The following PCLO variants were observed in gnomAD, a reference collection of about 807,000 sequenced individuals.
PCLO encodes the protein protein piccolo.
In PCLO, 82 loss-of-function variants were observed where a neutral mutation model predicts 427.5. The ratio of observed to expected loss-of-function variants is 0.19; its 90% CI spans 0.16 to 0.23. The LOEUF (loss-of-function observed/expected upper bound fraction) is 0.23. Ranked by LOEUF, PCLO falls within the 10% of genes least tolerant of loss-of-function variation. The pLI is 1.00. For synonymous variants in PCLO, 2,357 were observed against 2,155.4 expected, an observed-to-expected ratio of 1.09 and a Z score of -2.59; for missense variants, 6,239 against 6,115.9, an observed-to-expected ratio of 1.02 and a Z score of -0.67.
At chr7:82,924,280 G>A (rs1447124070) in intron 6 of PCLO, among the ~76,000 whole-genome samples, 1 of 152,024 alleles carries the variant, frequency 6.6e-6, no homozygotes, top group African/African-American at 2.4e-5. Context: ...GGATAGGAAT[G>A]TACCTGATTA....
intron 3 of PCLO, among the ~76,000 whole-genome samples, chr7:83,029,519 TA>T (rs1487584124): frequency 2.6e-5 from 3 of 113,852 alleles, no homozygotes; most frequent in Non-Finnish European, 5.3e-5. Context: ...GGTGGGACTG[TA>T]AACTAGTTCA....
intron 3 of PCLO, among the ~76,000 whole-genome samples, chr7:83,054,455 T>C (rs759582925): frequency 6.6e-6 from 1 of 152,106 alleles, no homozygotes; most frequent in Admixed American, 6.6e-5. Flanking sequence ...GATTATAGCA[T>C]TGTTTGAATA....
intron 2 of PCLO, among the ~76,000 whole-genome samples, chr7:83,137,503 T>C (rs546616036): frequency 6.6e-6 from 1 of 152,316 alleles, no homozygotes; most frequent in East Asian, 1.9e-4. Flanking sequence ...CGATCTCGGC[T>C]CACTGCAAGC....
chr7:83,112,477 A>G (rs957840515), intron 3 of PCLO, among the ~76,000 whole-genome samples: 1 of 152,206 alleles, frequency 6.6e-6, no homozygotes, highest in African/African-American at 2.4e-5. Flanking sequence ...TTAGATATAC[A>G]AAAGAATGAA....
intron 24 of PCLO, among the ~76,000 whole-genome samples, chr7:82,759,865 T>G (rs902856161): frequency 4.6e-5 from 7 of 151,968 alleles, no homozygotes; most frequent in African/African-American, 1.7e-4. Context: ...GAGAAACTGA[T>G]AGCATAGAAG....
rs190740585 is a variant in PCLO, at chr7:83,158,514, A to G, written c.249-2122T>C. Among the ~76,000 whole-genome samples the G allele has an allele frequency of 5.6e-3, 793 of 142,712 alleles. 10 individuals carry two copies. The highest frequency in any genetic ancestry group is 0.019 in the African/African-American group (763 of 39,188). 93.6% of individuals were successfully genotyped at this position (142,712 alleles called of 152,430 possible). On this transcript the variant is annotated intron_variant, in intron 1 of 24. Coordinates refer to ENST00000333891, the MANE Select transcript of PCLO (RefSeq NM_033026.6). ...GAGTCCTATAAATCTAACTTTAAGC[A>G]GAGTACCAAAAAAAAAATCTACCTT...
intron 3 of PCLO, among the ~76,000 whole-genome samples, chr7:82,986,561 T>G (rs1276724601): frequency 6.6e-6 from 1 of 151,900 alleles, no homozygotes; most frequent in East Asian, 1.9e-4. Flanking sequence ...GTTTTTCACT[T>G]TGTATTATTA....
intron 3 of PCLO, among the ~76,000 whole-genome samples, chr7:83,065,474 T>C (rs1042018220): frequency 6.7e-6 from 1 of 149,264 alleles, no homozygotes; most frequent in African/African-American, 2.5e-5. Flanking sequence ...AAGAGAACAC[T>C]TTCCAAAAAT....
At chr7:82,824,075 C>T (rs1448750009) in intron 19 of PCLO, among the ~76,000 whole-genome samples, 161 bp downstream of exon 19, 1 of 151,992 alleles carries the variant, frequency 6.6e-6, no homozygotes, top group Non-Finnish European at 1.5e-5. Flanking sequence ...AGAATAAAGC[C>T]CATTTCTCCT....
In PCLO at chr7:83,029,262, G is replaced by GAA. The variant is rs201134210; in HGVS notation, c.3301-62777_3301-62776dup. ...ACAATGAACTCAAACAAATTTACAA[G>GAA]AAAAAAAAAAAAACAACCCCATCAA... On this transcript the variant is annotated intron_variant, in intron 3 of 24. Coordinates refer to ENST00000333891, the MANE Select transcript of PCLO (RefSeq NM_033026.6). Among the ~76,000 whole-genome samples, 122 of 126,920 alleles carry GAA rather than the reference G, an allele frequency of 9.6e-4. No individual in the cohort carries two copies. In the East Asian group the frequency reaches 0.014, roughly 15 times the overall value. 83.3% of individuals were successfully genotyped at this position (126,920 alleles called of 152,430 possible).
rs1790365547 is a variant in PCLO, at chr7:82,758,582, G to A, written c.15422C>T (p.Thr5141Met). 12 of 1,608,280 alleles carry A rather than the reference G, an allele frequency of 7.5e-6. No homozygotes were observed. The highest frequency in any genetic ancestry group is 1.7e-4 in the Middle Eastern group (1 of 6,024). The stretch of plus-strand genomic sequence containing the variant: ...CTGAGAAGACATGTTTCTTCAATGC[G>A]TTTGAGTAGGACTGACCAAAAGTTT... ...WHKLLVSPTQ[T>M]H Residue 5141 changes from threonine to methionine, a missense_variant, in exon 25 of 25, where the codon ACG (threonine) becomes ATG (methionine). Coordinates refer to ENST00000333891, the MANE Select transcript of PCLO (RefSeq NM_033026.6).
chr7:82,860,956 A>C (rs560378675), intron 10 of PCLO, among the ~76,000 whole-genome samples: 1 of 152,094 alleles, frequency 6.6e-6, no homozygotes, highest in African/African-American at 2.4e-5. Context: ...ACCAAAAAGC[A>C]TATGATATAT....
rs935794151 is a variant in PCLO, at chr7:83,010,133, T to C, written c.3301-43646A>G. On this transcript the variant is annotated intron_variant, in intron 3 of 24. Coordinates refer to ENST00000333891, the MANE Select transcript of PCLO (RefSeq NM_033026.6). ...TAACTGTCACACAATGTCTGTTTCT[T>C]ATAAGCATTATTTTCTTCATGACCT... Among the ~76,000 whole-genome samples, 4 of 151,942 alleles carry C rather than the reference T, an allele frequency of 2.6e-5. No individual in the cohort carries two copies. The East Asian group carries it at 7.7e-4, about 29-fold the overall frequency.
intron 22 of PCLO, among the ~76,000 whole-genome samples, chr7:82,762,693 T>C (rs1399129874): frequency 6.6e-6 from 1 of 152,064 alleles, no homozygotes; most frequent in East Asian, 1.9e-4. Context: ...CATAATCATA[T>C]TTTCCAAACC....
chr7:82,982,717 G>A (rs1269003552), intron 3 of PCLO, among the ~76,000 whole-genome samples: 1 of 151,732 alleles, frequency 6.6e-6, no homozygotes, highest in Non-Finnish European at 1.5e-5. Context: ...TACTTTTATG[G>A]TAAAATTAAT....
chr7:83,005,129 TATG>T (rs1787916221), intron 3 of PCLO, among the ~76,000 whole-genome samples: 1 of 151,552 alleles, frequency 6.6e-6, no homozygotes, highest in South Asian at 2.1e-4. Flanking sequence ...AGAACTACCA[TATG>T]ATCCAGCAAT....
chr7:83,004,558 AC>A (rs758237047), intron 3 of PCLO, among the ~76,000 whole-genome samples: 2 of 151,714 alleles, frequency 1.3e-5, no homozygotes, highest in East Asian at 1.9e-4. Context: ...AACCATAAAA[AC>A]CATAAAAATC....
chr7:83,046,130 T>A (rs1789098580), intron 3 of PCLO, among the ~76,000 whole-genome samples: 1 of 152,060 alleles, frequency 6.6e-6, no homozygotes, highest in African/African-American at 2.4e-5. Context: ...CATATTGGAT[T>A]AGGGCCCATC....
intron 3 of PCLO, among the ~76,000 whole-genome samples, chr7:83,050,227 A>AAAAAAACAAAAACAAAAAC (rs1583957588): frequency 1.5e-4 from 13 of 85,644 alleles, no homozygotes; most frequent in South Asian, 4.5e-4. Context: ...AAAAAAAAAA[A>AAAAAAACAAAAACAAAAAC]AAAAAAAAAA....
Sources: gnomAD v4.1 joint callset for allele counts (sites outside exome capture counted in the v4.1 genomes callset) on GRCh38, gnomAD v4.1.1 for gene constraint, MANE v1.5 for transcripts, NCBI Gene and HGNC (gene_info 2026-07-23, HGNC 2026-07-21) for gene names.